The following PRTG variants were observed in gnomAD, a reference collection of about 807,000 sequenced individuals.
PRTG encodes protogenin.
PRTG carries 67 observed loss-of-function variants against 122.5 expected under a neutral mutation model. The ratio of observed to expected loss-of-function variants is 0.55; its 90% CI spans 0.45 to 0.67. The LOEUF (loss-of-function observed/expected upper bound fraction) is 0.67, where lower values mean the gene tolerates loss of function less well. Among genes scored for constraint, PRTG ranks in the 30% least tolerant of loss-of-function variants. PRTG has a pLI of 0.00. For synonymous variants in PRTG, 554 were observed against 501.1 expected, an observed-to-expected ratio of 1.11 and a Z score of -1.41; for missense variants, 1,435 against 1,415.4, an observed-to-expected ratio of 1.01 and a Z score of -0.22.
chr15:55,719,919 G>A (rs139801728), intron 2 of PRTG, among the ~76,000 whole-genome samples: 1,741 of 151,820 alleles, frequency 0.011, 13 homozygotes, highest in Middle Eastern at 0.034. Context: ...AAAATTAGCC[G>A]GGCATGGTGG....
chr15:55,733,265 G>A (rs1454722343), intron 2 of PRTG, among the ~76,000 whole-genome samples: 1 of 152,054 alleles, frequency 6.6e-6, no homozygotes, highest in African/African-American at 2.4e-5. Context: ...CCAGCATTTT[G>A]GGAGGCTGAC....
At chr15:55,698,152 A>T (rs1026206347) in intron 2 of PRTG, among the ~76,000 whole-genome samples, 2 of 151,672 alleles carry the variant, frequency 1.3e-5, no homozygotes, top group African/African-American at 2.4e-5. Context: ...CTTTTGCATC[A>T]CTCTCTCATT....
chr15:55,740,629 G>C lies in PRTG; in HGVS notation c.150C>G (p.Val50=), dbSNP rs1041307506. 1.2e-6 allele frequency: 2 copies of C among 1,614,086 alleles called. No individual in the cohort carries two copies. The highest frequency in any genetic ancestry group is 1.7e-6 in the Non-Finnish European group (2 of 1,180,008). ...CTAAAACGACTGGGTCCTTTCTTGT[G>C]ACAGTTACATCCTGTGGTTCTTTTA... ...SFVKEPQDVT[V]TRKDPVVLDC... is the part of the protein sequence containing the mutation. The change falls in exon 2 of 20, where the codon GTC becomes GTG. Residue 50 remains valine, a synonymous_variant. Transcript: ENST00000389286.
intron 2 of PRTG, among the ~76,000 whole-genome samples, chr15:55,722,395 G>C (rs1448747261): frequency 7.3e-6 from 1 of 137,454 alleles, no homozygotes; most frequent in African/African-American, 2.4e-5. Context: ...ATAAATACTT[G>C]TTGGGGAAAT....
chr15:55,672,176 G>A (rs2059475643), intron 11 of PRTG, among the ~76,000 whole-genome samples: 1 of 152,136 alleles, frequency 6.6e-6, no homozygotes, highest in African/African-American at 2.4e-5. Flanking sequence ...CAGTCTACCA[G>A]AAGTGAACGC....
chr15:55,661,162 C>T (rs1036714578), intron 11 of PRTG, among the ~76,000 whole-genome samples: 5 of 152,064 alleles, frequency 3.3e-5, no homozygotes, highest in African/African-American at 1.2e-4. Flanking sequence ...AACAACTATC[C>T]AGATATTTCA....
At position 55,740,463 on chromosome 15, in the gene PRTG, A is replaced by C; in HGVS notation, c.316T>G (p.Ser106Ala). Reference sequence around the variant, plus strand: ...AAGCACTGATAAAATCCTTCATCGGACTGCTCTCCTCGCCTGCCTTCCACC... The same window carrying C: ...AAGCACTGATAAAATCCTTCATCGGCCTGCTCTCCTCGCCTGCCTTCCACC... The part of the protein sequence containing the change: ...SEVEGRRGEQ[S>A]DEGFYQCLAM... Residue 106 changes from serine to alanine, a missense_variant, in exon 2 of 20, where the codon TCC (serine) becomes GCC (alanine). Ser to Ala is a moderately conservative substitution (Grantham distance 99). Coordinates refer to ENST00000389286, the MANE Select transcript of PRTG (RefSeq NM_173814.6). The C allele has an allele frequency of 6.2e-7, 1 of 1,614,176 alleles. No individual in the cohort carries two copies. Among genetic ancestry groups the C allele is most frequent in the South Asian group, 1.1e-5 (1 of 91,084 alleles).
rs1438837063 is a variant in PRTG, at chr15:55,738,053, A to C, written c.397+2329T>G. 4.8e-5 allele frequency among the ~76,000 whole-genome samples: 4 copies of C among 83,568 alleles called. No homozygotes were observed. In the Admixed American group the frequency reaches 5.6e-4, roughly 12 times the overall value. 54.8% of individuals were successfully genotyped at this position (83,568 alleles called of 152,430 possible). A position where few individuals can be genotyped will look rare whatever the true frequency, so the allele number is the denominator to read the frequency against. On this transcript the variant is annotated intron_variant, in intron 2 of 19. Coordinates refer to ENST00000389286, the MANE Select transcript of PRTG (RefSeq NM_173814.6). ...ACACACACACACACACACACACACC[A>C]CACACACTCTTCCTGTAAATATATA...
intron 2 of PRTG, among the ~76,000 whole-genome samples, chr15:55,703,731 T>C (rs1362338049): frequency 6.6e-6 from 1 of 152,218 alleles, no homozygotes; most frequent in Admixed American, 6.5e-5. Context: ...GCCTATTACA[T>C]CTTTCTCAAC....
intron 11 of PRTG, among the ~76,000 whole-genome samples, chr15:55,646,499 T>C (rs113282697): frequency 0.01 from 1,547 of 151,616 alleles, 22 homozygotes; most frequent in African/African-American, 0.036. Context: ...ATTTTTTGTA[T>C]TTTTAGTAGA....
At chr15:55,686,185 G>A (rs2059569404) in intron 2 of PRTG, among the ~76,000 whole-genome samples, 1 of 151,944 alleles carries the variant, frequency 6.6e-6, no homozygotes, top group Admixed American at 6.6e-5. Flanking sequence ...ATCTTGGGGG[G>A]AATTAGGACC....
intron 2 of PRTG, among the ~76,000 whole-genome samples, chr15:55,728,483 T>C (rs2031117958): frequency 6.6e-6 from 1 of 151,944 alleles, no homozygotes; most frequent in African/African-American, 2.4e-5. Flanking sequence ...AATCAAATAA[T>C]TGATAGAACA....
intron 2 of PRTG, among the ~76,000 whole-genome samples, chr15:55,692,394 T>A (rs927819229): frequency 7.2e-5 from 11 of 152,116 alleles, no homozygotes; most frequent in Admixed American, 6.5e-4. Context: ...ACACCAAACA[T>A]CATTTGGCTC....
intron 2 of PRTG, among the ~76,000 whole-genome samples, chr15:55,724,175 T>C (rs748765621): frequency 2.0e-5 from 3 of 152,206 alleles, no homozygotes; most frequent in Non-Finnish European, 2.9e-5. Flanking sequence ...TGCTTTTATA[T>C]GTCTGCTAGA....
At chr15:55,692,406 G>C (rs527478804) in intron 2 of PRTG, among the ~76,000 whole-genome samples, 1 of 152,340 alleles carries the variant, frequency 6.6e-6, no homozygotes, top group South Asian at 2.1e-4. Flanking sequence ...ATTTGGCTCA[G>C]AGGTATTCAG....
intron 4 of PRTG, among the ~76,000 whole-genome samples, chr15:55,680,919 G>T: frequency 6.6e-6 from 1 of 152,000 alleles, no homozygotes. Context: ...TCTCTCCACA[G>T]CCTAGTAACC....
intron 16 of PRTG, among the ~76,000 whole-genome samples, 198 bp from the exon 17 acceptor site, chr15:55,627,326 G>GTTTT (rs35771809): frequency 6.1e-5 from 8 of 131,488 alleles, no homozygotes; most frequent in East Asian, 2.3e-4. Context: ...CAATATTAAA[G>GTTTT]TTTTTTTTTT....
chr15:55,742,301 G>A (rs936333287), intron 1 of PRTG: 2 of 152,444 alleles, frequency 1.3e-5, no homozygotes, highest in Non-Finnish European at 2.9e-5. Context: ...GTGCCGATTG[G>A]GGTTATGAGT....
chr15:55,633,758 A>G lies in PRTG; in HGVS notation c.2623+3412T>C, dbSNP rs142071212. Among the ~76,000 whole-genome samples the G allele has an allele frequency of 2.1e-3, 320 of 152,276 alleles. 9 individuals are homozygous for G. Among genetic ancestry groups the G allele is most frequent in the African/African-American group, 7.3e-3 (305 of 41,548 alleles). On this transcript the variant is annotated intron_variant, in intron 15 of 19. Coordinates refer to ENST00000389286, the MANE Select transcript of PRTG (RefSeq NM_173814.6). ...CTGTTTTTCTCTCTCAGAAAAGTAA[A>G]CTCAGTTGCTTTTTACTGATTTATT...
Sources: allele counts gnomAD v4.1 joint callset (sites outside exome capture counted in the v4.1 genomes callset), GRCh38; gene constraint gnomAD v4.1.1; transcripts MANE v1.5; gene names NCBI Gene and HGNC (gene_info 2026-07-23, HGNC 2026-07-21).